Variants in ACSS3 observed in about 807,000 individuals in gnomAD.
ACSS3 encodes the protein acyl-CoA synthetase short-chain family member 3, mitochondrial.
Under a neutral mutation model 84.2 loss-of-function variants are expected in ACSS3, and 64 were observed. That is an observed-to-expected ratio of 0.76 (90% CI 0.62 to 0.94). The LOEUF is 0.94. ACSS3 is among the 40% of genes least tolerant of loss of function. The probability of loss-of-function intolerance (pLI) is 0.00; values close to 1 mark genes in which losing one functional copy is unlikely to be tolerated. For synonymous variants in ACSS3, 317 were observed against 310.1 expected (o/e 1.02, Z -0.23); for missense variants, 815 against 867.6 (o/e 0.94, Z 0.76).
At chr12:81,227,997 A>G (rs1455147004) in intron 11 of ACSS3, among the ~76,000 whole-genome samples, 1 of 151,866 alleles carries the variant, frequency 6.6e-6, no homozygotes, top group African/African-American at 2.4e-5. Context: ...TAGACATATG[A>G]TGTCCCTCTA....
intron 12 of ACSS3, 93 bp downstream of exon 12, chr12:81,231,231 CA>C: frequency 9.5e-7 from 1 of 1,055,112 alleles, no homozygotes; most frequent in Non-Finnish European, 1.4e-6. Flanking sequence ...AATCGTAGAT[CA>C]AAAAGAAACT....
chr12:81,135,457 A>C (rs1885750518), intron 3 of ACSS3, among the ~76,000 whole-genome samples: 1 of 144,810 alleles, frequency 6.9e-6, no homozygotes, highest in Non-Finnish European at 1.5e-5. Context: ...ATAATATATA[A>C]AATAAAATAT....
At chr12:81,135,649 T>A (rs1037977353) in intron 3 of ACSS3, among the ~76,000 whole-genome samples, 10 of 151,574 alleles carry the variant, frequency 6.6e-5, no homozygotes, top group African/African-American at 2.4e-4. Context: ...TGCAAAGACA[T>A]ATAGAGTGGT....
intron 10 of ACSS3, among the ~76,000 whole-genome samples, chr12:81,219,493 A>G (rs1296607990): frequency 6.6e-6 from 1 of 152,160 alleles, no homozygotes; most frequent in Non-Finnish European, 1.5e-5. Flanking sequence ...AAACTCTTTT[A>G]GGATTCTATC....
chr12:81,221,542 A>C (rs1437013601), intron 11 of ACSS3, among the ~76,000 whole-genome samples: 1 of 152,140 alleles, frequency 6.6e-6, no homozygotes, highest in Non-Finnish European at 1.5e-5. Flanking sequence ...TTATGATGTA[A>C]TTCTTCTCAT....
At chr12:81,218,013 C>T (rs2032983398) in intron 10 of ACSS3, among the ~76,000 whole-genome samples, 1 of 151,992 alleles carries the variant, frequency 6.6e-6, no homozygotes, top group African/African-American at 2.4e-5. Context: ...TTGGATGGCT[C>T]TCTCTAGGTG....
At chr12:81,134,520 T>C (rs1365459537) in intron 2 of ACSS3, among the ~76,000 whole-genome samples, 1 of 152,148 alleles carries the variant, frequency 6.6e-6, no homozygotes, top group African/African-American at 2.4e-5. Context: ...TTACATACTA[T>C]GTCTGGTGTA....
At chr12:81,243,338 C>G (rs1232614940) in intron 13 of ACSS3, among the ~76,000 whole-genome samples, 2 of 152,108 alleles carry the variant, frequency 1.3e-5, no homozygotes, top group Non-Finnish European at 2.9e-5. Flanking sequence ...AACTACAAAC[C>G]ACTGCTCAAT....
At chr12:81,190,294 G>T (rs964959786) in intron 8 of ACSS3, among the ~76,000 whole-genome samples, 2 of 152,074 alleles carry the variant, frequency 1.3e-5, no homozygotes, top group South Asian at 2.1e-4. Context: ...TGTTTATTTA[G>T]GACTTTAATT....
intron 2 of ACSS3, among the ~76,000 whole-genome samples, chr12:81,111,567 G>A (rs1033936050): frequency 2.6e-5 from 4 of 152,158 alleles, no homozygotes; most frequent in Non-Finnish European, 4.4e-5. Flanking sequence ...GATCCCAGAC[G>A]GGATAGGGCT....
At chr12:81,114,463 A>G (rs1883871381) in intron 2 of ACSS3, among the ~76,000 whole-genome samples, 1 of 152,112 alleles carries the variant, frequency 6.6e-6, no homozygotes, top group African/African-American at 2.4e-5. Context: ...CATCTGTCAT[A>G]TCAGTATTTC....
chr12:81,184,084 T>C (rs1422670907), intron 8 of ACSS3, among the ~76,000 whole-genome samples: 1 of 151,968 alleles, frequency 6.6e-6, no homozygotes, highest in Non-Finnish European at 1.5e-5. Flanking sequence ...GAAATAATAT[T>C]TAGTATAATT....
intron 13 of ACSS3, among the ~76,000 whole-genome samples, chr12:81,240,323 T>A (rs929316195): frequency 6.6e-6 from 1 of 152,038 alleles, no homozygotes; most frequent in Non-Finnish European, 1.5e-5. Flanking sequence ...TCTTGATACA[T>A]TTTCTTGCTC....
intron 1 of ACSS3, among the ~76,000 whole-genome samples, chr12:81,083,358 C>CTTT (rs111641450): frequency 0.39 from 53,685 of 139,104 alleles, 12,508 homozygotes; most frequent in Non-Finnish European, 0.54. Context: ...AGCTTTTGGT[C>CTTT]TTTTTTTTTT....
chr12:81,157,446 A>G (rs1332538089), intron 7 of ACSS3, among the ~76,000 whole-genome samples: 1 of 152,212 alleles, frequency 6.6e-6, no homozygotes, highest in African/African-American at 2.4e-5. Context: ...TTGTTCAGGA[A>G]CAAGGCAAGT....
chr12:81,186,087 A>T (rs1475812842), intron 8 of ACSS3, among the ~76,000 whole-genome samples: 2 of 151,716 alleles, frequency 1.3e-5, no homozygotes. Flanking sequence ...CTTGACAAGC[A>T]CACCAGGAAG....
At position 81,258,259 on chromosome 12, in the gene ACSS3, A is replaced by AGAG. The variant is rs2034399415; in HGVS notation, c.*3338_*3340dup. 1.3e-5 allele frequency: 2 copies of AGAG among 152,196 alleles called. No individual in the cohort carries two copies. The highest frequency in any genetic ancestry group is 4.8e-5 in the African/African-American group (2 of 41,468). 9.4% of individuals were successfully genotyped at this position (152,196 alleles called of 1,614,324 possible). A position where few individuals can be genotyped will look rare whatever the true frequency, so the allele number is the denominator to read the frequency against. On this transcript the variant is annotated 3_prime_UTR_variant, in exon 16 of 16. Coordinates refer to ENST00000548058, the MANE Select transcript of ACSS3 (RefSeq NM_024560.4). Reference sequence around the variant, plus strand: ...TGTGACTAGAAAACAAAGCTTAAACAGAGAACTGGAATTATTATTTTTTTT... The same window carrying AGAG: ...TGTGACTAGAAAACAAAGCTTAAACAGAGGAGAACTGGAATTATTATTTTTTTT...
intron 9 of ACSS3, among the ~76,000 whole-genome samples, chr12:81,205,571 A>G (rs1198891737): frequency 1.3e-5 from 2 of 152,102 alleles, no homozygotes; most frequent in East Asian, 1.9e-4. Flanking sequence ...CATTCCTCCT[A>G]AGTAAACACA....
chr12:81,216,649 C>G (rs2032926844), intron 9 of ACSS3, among the ~76,000 whole-genome samples: 1 of 152,074 alleles, frequency 6.6e-6, no homozygotes, highest in South Asian at 2.1e-4. Flanking sequence ...CTAGAGCAGC[C>G]TTTCTTTTCT....
Sources: allele counts gnomAD v4.1 joint callset (sites outside exome capture counted in the v4.1 genomes callset), GRCh38; gene constraint gnomAD v4.1.1; transcripts MANE v1.5; gene names NCBI Gene and HGNC (gene_info 2026-07-23, HGNC 2026-07-21).